Variants in NUCB2 observed in about 807,000 individuals in gnomAD.
NUCB2 encodes the protein nucleobindin 2, also known as nucleobindin-2.
A neutral mutation model predicts 57.9 loss-of-function variants in NUCB2; 48 were observed. The ratio of observed to expected loss-of-function variants is 0.83; its 90% CI spans 0.66 to 1.05. The LOEUF is 1.05. Ranked by LOEUF, NUCB2 falls within the 50% of genes least tolerant of loss-of-function variation. The pLI, the probability that NUCB2 is intolerant of heterozygous loss-of-function variation, is 0.00. For synonymous variants in NUCB2, 139 were observed against 152.1 expected (o/e 0.91, Z 0.64); for missense variants, 442 against 476.2 (o/e 0.93, Z 0.67).
chr11:17,282,244 A>G (rs2035688), intron 1 of NUCB2, among the ~76,000 whole-genome samples: 18,745 of 100,122 alleles, frequency 0.19, 2,024 homozygotes, highest in South Asian at 0.25. Context: ...ATCTATATAT[A>G]TATATATATA....
intron 2 of NUCB2, among the ~76,000 whole-genome samples, chr11:17,288,333 A>G (rs755100755): frequency 6.6e-6 from 1 of 151,906 alleles, no homozygotes; most frequent in Admixed American, 6.6e-5. Context: ...CTTAATATCG[A>G]TGGAATCTTT....
At chr11:17,286,577 C>T (rs927474074) in intron 2 of NUCB2, 1 of 152,128 alleles carries the variant, frequency 6.6e-6, no homozygotes, top group African/African-American at 2.4e-5. Flanking sequence ...ATCAGCCTGT[C>T]CTGGTTTGGA....
At position 17,311,850 on chromosome 11, in the gene NUCB2, A is replaced by G. The variant is rs1591443743; in HGVS notation, c.761-22A>G. ...CTAAGTTATTAAAATCTATTTTTGC[A>G]TTTGTAACTTTTAAACTTTAGATGT... On this transcript the variant is annotated intron_variant, in intron 8 of 13. Coordinates refer to ENST00000529010, the MANE Select transcript of NUCB2 (RefSeq NM_005013.4). The G allele has an allele frequency of 2.7e-6, 4 of 1,493,320 alleles. No homozygotes were observed. The East Asian group carries it at 6.8e-5, about 25-fold the overall frequency. 92.5% of individuals were successfully genotyped at this position (1,493,320 alleles called of 1,614,324 possible). A position where few individuals can be genotyped will look rare whatever the true frequency, so the allele number is the denominator to read the frequency against.
At chr11:17,285,353 T>A (rs1943496889) in intron 2 of NUCB2, among the ~76,000 whole-genome samples, 1 of 152,026 alleles carries the variant, frequency 6.6e-6, no homozygotes, top group Admixed American at 6.6e-5. Flanking sequence ...GGCGGGCGGA[T>A]CACGAGGTCA....
intron 5 of NUCB2, among the ~76,000 whole-genome samples, chr11:17,302,926 G>T (rs1485254330): frequency 1.3e-5 from 2 of 152,196 alleles, no homozygotes; most frequent in Admixed American, 1.3e-4. Flanking sequence ...TTTTAGTAGA[G>T]ACGGGGTTTC....
chr11:17,280,649 G>A (rs961850723), intron 1 of NUCB2, among the ~76,000 whole-genome samples: 2 of 152,240 alleles, frequency 1.3e-5, no homozygotes, highest in Non-Finnish European at 2.9e-5. Context: ...TTGGAAGGAA[G>A]AGATTATGTT....
chr11:17,286,228 G>A (rs950202883), intron 2 of NUCB2, among the ~76,000 whole-genome samples: 3 of 152,042 alleles, frequency 2.0e-5, no homozygotes, highest in Admixed American at 1.3e-4. Flanking sequence ...TAGAGACAGA[G>A]GTTTCACCAT....
At chr11:17,305,834 G>C (rs969351334) in intron 5 of NUCB2, among the ~76,000 whole-genome samples, 36 of 151,870 alleles carry the variant, frequency 2.4e-4, no homozygotes, top group African/African-American at 8.2e-4. Context: ...TGTTCCCCAG[G>C]CTGGTTTGAG....
intron 6 of NUCB2, among the ~76,000 whole-genome samples, chr11:17,310,227 TTTC>T (rs928301212): frequency 1.4e-4 from 21 of 144,896 alleles, no homozygotes; most frequent in East Asian, 4.2e-4. Flanking sequence ...TAATAGTTCC[TTTC>T]TTCTTCTTTT....
intron 11 of NUCB2, among the ~76,000 whole-genome samples, chr11:17,324,832 C>T (rs11024253): frequency 0.23 from 34,582 of 150,756 alleles, 4,821 homozygotes; most frequent in East Asian, 0.51. Flanking sequence ...GACAGAGCCT[C>T]ACTCTGTTGC....
chr11:17,296,242 T>A, intron 4 of NUCB2, 31 bp downstream of exon 4: 1 of 1,367,876 alleles, frequency 7.3e-7, no homozygotes, highest in Non-Finnish European at 1.0e-6. Flanking sequence ...TATACATATA[T>A]GTATCTTAAT....
chr11:17,345,638 C>T (rs984628611), intron 2 of NUCB2, among the ~76,000 whole-genome samples: 3 of 152,002 alleles, frequency 2.0e-5, no homozygotes, highest in South Asian at 2.1e-4. Context: ...GGCCGGGAGG[C>T]GGAGGTTGCA....
At chr11:17,296,259 T>G in intron 4 of NUCB2, 48 bp downstream of exon 4, 2 of 1,225,592 alleles carry the variant, frequency 1.6e-6, no homozygotes, top group Non-Finnish European at 2.3e-6. Flanking sequence ...TAATTTAAAA[T>G]TTTTTTAGAG....
chr11:17,316,120 C>T lies in NUCB2; in HGVS notation c.1002+645C>T, dbSNP rs535347839. The stretch of plus-strand genomic sequence containing the variant: ...CTGAGTAGCTGGGATTACAGGTGCC[C>T]GCCACCACGCCCGGCTAATTTTTGT... On this transcript the variant is annotated intron_variant, in intron 11 of 13. Transcript: ENST00000529010. Among the ~76,000 whole-genome samples the T allele has an allele frequency of 1.5e-4, 23 of 151,912 alleles. 1 individual carries two copies. In the East Asian group the frequency reaches 2.1e-3, roughly 14 times the overall value.
intron 4 of NUCB2, among the ~76,000 whole-genome samples, chr11:17,300,409 T>G (rs1225219296): frequency 6.6e-6 from 1 of 152,232 alleles, no homozygotes; most frequent in Non-Finnish European, 1.5e-5. Context: ...AGAAACTGTG[T>G]GCCCATTAAG....
intron 2 of NUCB2, among the ~76,000 whole-genome samples, chr11:17,346,241 G>A (rs1952727882): frequency 1.3e-5 from 2 of 152,186 alleles, no homozygotes; most frequent in Non-Finnish European, 1.5e-5. Flanking sequence ...TCCAGTGATA[G>A]CATTGAAGTG....
chr11:17,307,047 G>A (rs1034102907), intron 5 of NUCB2, among the ~76,000 whole-genome samples: 12 of 152,138 alleles, frequency 7.9e-5, no homozygotes, highest in African/African-American at 1.2e-4. Context: ...TTTTAGGGAG[G>A]GGGGTAATTT....
chr11:17,288,552 C>CTTTTTTTTTTTTTTTTTTTTTTTTTTT (rs1362783048), intron 2 of NUCB2, among the ~76,000 whole-genome samples: 3 of 101,190 alleles, frequency 3.0e-5, no homozygotes, highest in Admixed American at 1.2e-4. Flanking sequence ...TCTTCTTCTT[C>CTTTTTTTTTTTTTTTTTTTTTTTTTTT]TTTTTTTTTT....
rs1466156391 is a variant in NUCB2 at position 17,330,823 on chromosome 11, C to T, written c.1174-79C>T. ...TGTTTTAGAAAACAATTTTCATTTA[C>T]TTTGTTGTGCTTTGTCAAAGGTCAC... On this transcript the variant is annotated intron_variant, in intron 12 of 13. Coordinates refer to ENST00000529010, the MANE Select transcript of NUCB2 (RefSeq NM_005013.4). The surrounding 1 kb of genome is among the most constrained non-coding windows in gnomAD (Gnocchi z 4.3). The T allele has an allele frequency of 3.5e-6, 3 of 858,148 alleles. No individual in the cohort carries two copies. In the African/African-American group the frequency reaches 5.1e-5, roughly 14 times the overall value. 53.2% of individuals were successfully genotyped at this position (858,148 alleles called of 1,614,324 possible).
Sources: allele counts gnomAD v4.1 joint callset (sites outside exome capture counted in the v4.1 genomes callset), GRCh38; gene constraint gnomAD v4.1.1; non-coding constraint Gnocchi (gnomAD v3.1); transcripts MANE v1.5; gene names NCBI Gene and HGNC (gene_info 2026-07-23, HGNC 2026-07-21).